Variants in HTR7 observed in about 807,000 individuals in gnomAD.
The protein encoded by HTR7 is 5-hydroxytryptamine receptor 7, also known as 5-HT-7.
In HTR7, 16 loss-of-function variants were observed where a neutral mutation model predicts 34.0. The observed-to-expected ratio is 0.47, with a 90% CI of 0.32 to 0.71. The LOEUF is 0.71. Among genes scored for constraint, HTR7 ranks in the 30% least tolerant of loss-of-function variants. The pLI, the probability that HTR7 is intolerant of heterozygous loss-of-function variation, is 0.04. For missense variants in HTR7, 504 were observed against 625.5 expected (o/e 0.81, Z 2.07); for synonymous variants, 265 against 260.2 (o/e 1.02, Z -0.18).
intron 1 of HTR7, among the ~76,000 whole-genome samples, chr10:90,797,151 C>T (rs767246550): frequency 6.6e-6 from 1 of 152,144 alleles, no homozygotes; most frequent in Non-Finnish European, 1.5e-5. Context: ...TTCTCCAACA[C>T]TGGGTCCAAA....
At chr10:90,849,099 G>T (rs972239367) in intron 1 of HTR7, among the ~76,000 whole-genome samples, 2 of 152,196 alleles carry the variant, frequency 1.3e-5, no homozygotes, top group Non-Finnish European at 2.9e-5. Context: ...ATTATTTCAA[G>T]TTTTAAGGTT....
rs145485797 is a variant in HTR7, at chr10:90,837,234, T to G, written c.539+19899A>C. 1.8e-4 allele frequency among the ~76,000 whole-genome samples: 28 copies of G among 152,344 alleles called. No homozygotes were observed. In the East Asian group the frequency reaches 5.2e-3, roughly 28 times the overall value. On this transcript the variant is annotated intron_variant, in intron 1 of 3. Transcript: ENST00000336152. ...GAATATTCATTAATTTATCCATCCATTCATTCAACTAAAATGTGTTTAAGT... is the reference window on the plus strand; with the variant it reads ...GAATATTCATTAATTTATCCATCCAGTCATTCAACTAAAATGTGTTTAAGT...
chr10:90,856,731 G>A (rs1846586192), intron 1 of HTR7, among the ~76,000 whole-genome samples: 1 of 152,126 alleles, frequency 6.6e-6, no homozygotes, highest in South Asian at 2.1e-4. Context: ...GGTAAGCAAG[G>A]TGGCTTTTCT....
At chr10:90,790,116 T>A (rs916104030) in intron 1 of HTR7, among the ~76,000 whole-genome samples, 2 of 152,178 alleles carry the variant, frequency 1.3e-5, no homozygotes, top group Non-Finnish European at 2.9e-5. Context: ...CATCCTTTTA[T>A]CCTAGTCATG....
At chr10:90,820,071 C>T (rs953750738) in intron 1 of HTR7, among the ~76,000 whole-genome samples, 1 of 152,102 alleles carries the variant, frequency 6.6e-6, no homozygotes, top group Non-Finnish European at 1.5e-5. Flanking sequence ...GAAATTCTTG[C>T]ACAAGCTGCT....
intron 1 of HTR7, among the ~76,000 whole-genome samples, chr10:90,804,313 C>T (rs966201802): frequency 6.6e-6 from 1 of 152,196 alleles, no homozygotes; most frequent in African/African-American, 2.4e-5. Context: ...CAGACAAGAA[C>T]CTGGGTACCA....
intron 1 of HTR7, among the ~76,000 whole-genome samples, chr10:90,825,950 G>A (rs1197071247): frequency 1.3e-5 from 2 of 152,064 alleles, no homozygotes; most frequent in East Asian, 3.9e-4. Context: ...TTATTCAAAG[G>A]GATAACAGAG....
intron 1 of HTR7, among the ~76,000 whole-genome samples, chr10:90,788,171 T>C (rs1397906925): frequency 1.3e-5 from 2 of 152,122 alleles, no homozygotes; most frequent in Non-Finnish European, 2.9e-5. Context: ...AGCAATTACC[T>C]GGGTAACTCA....
Position 90,748,966 on chromosome 10 carries a change from C to T in HTR7, c.1168G>A (p.Asp390Asn). 1 of 1,614,056 alleles carries T rather than the reference C, an allele frequency of 6.2e-7. No individual in the cohort carries two copies. Among genetic ancestry groups the T allele is most frequent in the Non-Finnish European group, 8.5e-7 (1 of 1,179,996 alleles). The change falls in exon 2 of 4, where the codon GAC becomes AAC. Residue 390 changes from aspartate (D) to asparagine (N), a missense_variant. Around this residue, in one of 4 missense-constraint regions of HTR7, gnomAD observed 154 missense variants for 212.1 expected, o/e 0.73. Coordinates refer to ENST00000336152, the MANE Select transcript of HTR7 (RefSeq NM_019859.4). The stretch of plus-strand genomic sequence containing the variant: ...AGGCTGCGATAGGTGGTCCTCAGGT[C>T]CCGGTTGAAGAAGGCATATATAAAA... ...NPFIYAFFNR[D>N]LRTTYRSLLQ...
chr10:90,772,536 CG>C (rs112994700), intron 1 of HTR7, among the ~76,000 whole-genome samples: 144 of 152,204 alleles, frequency 9.5e-4, no homozygotes, highest in African/African-American at 3.3e-3. Context: ...TTTCACATGA[CG>C]TATCTTTAAA....
intron 1 of HTR7, among the ~76,000 whole-genome samples, chr10:90,834,451 C>A (rs1846224636): frequency 6.6e-6 from 1 of 152,204 alleles, no homozygotes; most frequent in Admixed American, 6.5e-5. Flanking sequence ...CAAACTACTG[C>A]AAAACCTTGC....
At chr10:90,767,946 C>T (rs753531177) in intron 1 of HTR7, among the ~76,000 whole-genome samples, 3 of 152,138 alleles carry the variant, frequency 2.0e-5, no homozygotes, top group Admixed American at 1.3e-4. Context: ...CATGAATCGA[C>T]TGCCTCCTTC....
intron 1 of HTR7, among the ~76,000 whole-genome samples, chr10:90,831,638 G>A (rs545605290): frequency 2.0e-5 from 3 of 152,242 alleles, no homozygotes; most frequent in South Asian, 2.1e-4. Flanking sequence ...CACAACCTGC[G>A]GATTGGTCCA....
intron 1 of HTR7, among the ~76,000 whole-genome samples, chr10:90,770,631 C>G (rs940878093): frequency 6.6e-6 from 1 of 152,200 alleles, no homozygotes; most frequent in Admixed American, 6.5e-5. Flanking sequence ...TGCTCACACT[C>G]AGGACAGCAC....
intron 1 of HTR7, among the ~76,000 whole-genome samples, chr10:90,798,844 GT>G (rs1251404290): frequency 1.5e-4 from 23 of 152,178 alleles, no homozygotes; most frequent in Admixed American, 5.2e-4. Context: ...CTTAGTTATA[GT>G]TTATACTTTG....
chr10:90,818,244 A>G (rs1197426949), intron 1 of HTR7, among the ~76,000 whole-genome samples: 1 of 152,216 alleles, frequency 6.6e-6, no homozygotes, highest in Non-Finnish European at 1.5e-5. Flanking sequence ...CACTGTTATC[A>G]CAAGAGTGGT....
chr10:90,780,575 A>G (rs1028331989), intron 1 of HTR7, among the ~76,000 whole-genome samples: 11 of 151,968 alleles, frequency 7.2e-5, no homozygotes, highest in Non-Finnish European at 1.5e-4. Flanking sequence ...GAAGCACAGT[A>G]TGTGCCACAT....
intron 1 of HTR7, among the ~76,000 whole-genome samples, chr10:90,815,421 T>C (rs1426944419): frequency 6.6e-6 from 1 of 152,194 alleles, no homozygotes; most frequent in Non-Finnish European, 1.5e-5. Flanking sequence ...TGTGTCTTCT[T>C]TACCTAAATG....
At chr10:90,759,855 T>C (rs1416183468) in intron 1 of HTR7, among the ~76,000 whole-genome samples, 3 of 152,186 alleles carry the variant, frequency 2.0e-5, no homozygotes, top group African/African-American at 7.2e-5. Flanking sequence ...CACTAATCAA[T>C]TCAACTTTCA....
Sources: gnomAD v4.1 joint callset for allele counts (sites outside exome capture counted in the v4.1 genomes callset) on GRCh38, gnomAD v4.1.1 for gene constraint, gnomAD v4.1.1 regional missense constraint, MANE v1.5 for transcripts, NCBI Gene and HGNC (gene_info 2026-07-23, HGNC 2026-07-21) for gene names.